The following WRAP73 variants were observed in gnomAD, a reference collection of about 807,000 sequenced individuals.
WRAP73 encodes the protein WD repeat-containing protein WRAP73.
Under a neutral mutation model 59.6 loss-of-function variants are expected in WRAP73, and 55 were observed. That is an observed-to-expected ratio of 0.92 (90% CI 0.74 to 1.15). The LOEUF (loss-of-function observed/expected upper bound fraction) is 1.15, where lower values mean the gene tolerates loss of function less well. Among genes scored for constraint, WRAP73 ranks in the 50% most tolerant of loss-of-function variants. The pLI, the probability that WRAP73 is intolerant of heterozygous loss-of-function variation, is 0.00. For missense variants in WRAP73, 592 were observed against 608.1 expected, an observed-to-expected ratio of 0.97 and a Z score of 0.28; for synonymous variants, 265 against 258.2, an observed-to-expected ratio of 1.03 and a Z score of -0.25.
chr1:3,636,223 C>T, intron 5 of WRAP73, 193 bp from the exon 6 acceptor site: 1 of 587,494 alleles, frequency 1.7e-6, no homozygotes, highest in Non-Finnish European at 3.0e-6. Context: ...CAGATGCCAG[C>T]GTCAGTGCCT....
Position 3,631,522 on chromosome 1 carries a change from C to T in WRAP73, c.1184G>A (p.Ser395Asn), listed in dbSNP as rs747142679. Residue 395 changes from serine to asparagine, a missense_variant, in exon 11 of 12, where the codon AGC (serine) becomes AAC (asparagine). Ser to Asn is a conservative substitution (Grantham distance 46). Transcript: ENST00000270708. ...QPRLAICTGG[S>N]RLYLWSPAGC... The stretch of plus-strand genomic sequence containing the variant: ...CGCTGGGGACCACAGGTAGAGCCTG[C>T]TGCCTCCCGTGCAGATGGCCAGCCG... 9 of 1,610,006 alleles carry T rather than the reference C, an allele frequency of 5.6e-6. No homozygotes were observed. The highest frequency in any genetic ancestry group is 8.5e-7 in the Non-Finnish European group (1 of 1,178,834).
chr1:3,639,750 T>C lies in WRAP73; in HGVS notation c.340-928A>G, dbSNP rs1221639722. ...GGGGACACAGGGCTGCGCAGCTCCA[T>C]GTGGGGTGGGGTGCTGACTGCCAGC... On this transcript the variant is annotated intron_variant, in intron 3 of 11. Coordinates refer to ENST00000270708, the MANE Select transcript of WRAP73 (RefSeq NM_017818.4). The surrounding 1 kb of genome is among the most constrained non-coding windows in gnomAD (Gnocchi z 4.3). 2 of 151,472 alleles carry C rather than the reference T, an allele frequency of 1.3e-5. No homozygotes were observed. Among genetic ancestry groups the C allele is most frequent in the Non-Finnish European group, 2.9e-5 (2 of 67,916 alleles). 9.4% of individuals were successfully genotyped at this position (151,472 alleles called of 1,614,324 possible). A position where few individuals can be genotyped will look rare whatever the true frequency, so the allele number is the denominator to read the frequency against.
At chr1:3,647,278 A>T in intron 2 of WRAP73, 130 bp downstream of exon 2, 2 of 997,020 alleles carry the variant, frequency 2.0e-6, no homozygotes, top group Non-Finnish European at 2.8e-6. Flanking sequence ...AGAACGTTAT[A>T]ATTTCAAAAG....
intron 2 of WRAP73, 175 bp downstream of exon 2, chr1:3,647,233 G>T: frequency 1.5e-6 from 1 of 681,570 alleles, no homozygotes; most frequent in Non-Finnish European, 2.3e-6. Flanking sequence ...AGACTACGTT[G>T]GAGTTTCCTT....
chr1:3,640,710 G>C (rs72857306), intron 3 of WRAP73, among the ~76,000 whole-genome samples: 52 of 124,238 alleles, frequency 4.2e-4, no homozygotes, highest in African/African-American at 2.2e-3. Context: ...GTGCAGCAAC[G>C]GAGCATCTCA....
At chr1:3,635,713 T>C (rs762174250) in intron 6 of WRAP73, 7 of 524,538 alleles carry the variant, frequency 1.3e-5, no homozygotes, top group Non-Finnish European at 2.0e-5. Context: ...CCCAGCTACT[T>C]GGGAGGCTGA....
At chr1:3,647,583 CACCTG>C (rs777462670) in intron 1 of WRAP73, 23 bp from the exon 2 acceptor site, 1 of 1,607,380 alleles carries the variant, frequency 6.2e-7, no homozygotes, top group Non-Finnish European at 8.5e-7. Flanking sequence ...AGAAAGCAAG[CACCTG>C]ACATTCTCCA....
At position 3,636,013 on chromosome 1, in the gene WRAP73, G is replaced by A. The variant is rs772120508; in HGVS notation, c.534C>T (p.Thr178=). The change falls in exon 6 of 12, where the codon ACC becomes ACT. Residue 178 remains threonine, a synonymous_variant. Transcript: ENST00000270708. ...CCCACTCAATCCCTGTGAGATCCTG[G>A]GTGTCCGTATCAAAATGCTTCCAAA... ...WQLLRHFDTD[T]QDLTGIEWAP... 3 of 1,613,846 alleles carry A rather than the reference G, an allele frequency of 1.9e-6. No homozygotes were observed. The highest frequency in any genetic ancestry group is 1.7e-5 in the Admixed American group (1 of 60,010).
Position 3,638,795 on chromosome 1 carries a change from T to G in WRAP73, c.367A>C (p.Thr123Pro). Reference sequence around the variant, plus strand: ...TATTTGATGTAAGACACGGATTTTGTGCACAAGGACCAGACGGTTATCCGC... The same window carrying G: ...TATTTGATGTAAGACACGGATTTTGGGCACAAGGACCAGACGGTTATCCGC... ...HLRITVWSLC[T>P]KSVSYIKYPK... The change falls in exon 4 of 12, where the codon ACA becomes CCA. Residue 123 changes from threonine (T) to proline (P), a missense_variant. Transcript: ENST00000270708. 1 of 1,614,134 alleles carries G rather than the reference T, an allele frequency of 6.2e-7. No homozygotes were observed. The highest frequency in any genetic ancestry group is 8.5e-7 in the Non-Finnish European group (1 of 1,180,002).
chr1:3,645,568 C>A (rs1354949700), intron 3 of WRAP73, among the ~76,000 whole-genome samples: 1 of 152,058 alleles, frequency 6.6e-6, no homozygotes, highest in Non-Finnish European at 1.5e-5. Flanking sequence ...CGAGGTGCAG[C>A]CAGCAGCCCA....
At chr1:3,635,818 C>T (rs1165737236) in intron 6 of WRAP73, 126 bp downstream of exon 6, 5 of 850,200 alleles carry the variant, frequency 5.9e-6, no homozygotes, top group Middle Eastern at 2.3e-4. Context: ...AAGACCCTGT[C>T]TTTTAAAACA....
chr1:3,631,602 C>A lies in WRAP73; in HGVS notation c.1104G>T (p.Ala368=). 1 of 1,606,046 alleles carries A rather than the reference C, an allele frequency of 6.2e-7. No individual in the cohort carries two copies. Among genetic ancestry groups the A allele is most frequent in the Non-Finnish European group, 8.5e-7 (1 of 1,179,750 alleles). ...GCACTGGGGACAGCTGCTCGAGCAC[C>A]GCGAACAGCCTCAGCTTCTGAATGT... ...VWDIQKLRLF[A]VLEQLSPVRA... is the part of the protein sequence containing the mutation. Residue 368 remains alanine (A), a synonymous_variant, in exon 11 of 12, where the codon GCG becomes GCT. Coordinates refer to ENST00000270708, the MANE Select transcript of WRAP73 (RefSeq NM_017818.4).
Position 3,646,905 on chromosome 1 carries a change from G to C in WRAP73, c.223-123C>G. The C allele has an allele frequency of 1.3e-6, 1 of 761,046 alleles. No individual in the cohort carries two copies. The highest frequency in any genetic ancestry group is 2.2e-6 in the Non-Finnish European group (1 of 459,034). 47.1% of individuals were successfully genotyped at this position (761,046 alleles called of 1,614,324 possible). A position where few individuals can be genotyped will look rare whatever the true frequency, so the allele number is the denominator to read the frequency against. On this transcript the variant is annotated intron_variant, in intron 2 of 11. Coordinates refer to ENST00000270708, the MANE Select transcript of WRAP73 (RefSeq NM_017818.4). This position sits in a 1 kb window ranked among gnomAD's most constrained non-coding sequence, Gnocchi z 5.1. Reference sequence around the variant, plus strand: ...CAGGGTGTCTTCAAACTCATCAGCAGTCTATAGCGAGGCCTCGCCGAGAGA... The same window carrying C: ...CAGGGTGTCTTCAAACTCATCAGCACTCTATAGCGAGGCCTCGCCGAGAGA...
chr1:3,631,831 G>T (rs1207878694), intron 10 of WRAP73, 174 bp from the exon 11 acceptor site: 1 of 1,417,108 alleles, frequency 7.1e-7, no homozygotes, highest in Non-Finnish European at 9.2e-7. Context: ...CCTGGCCAGG[G>T]CCAGGGTGGC....
chr1:3,631,777 C>G, intron 10 of WRAP73, 120 bp from the exon 11 acceptor site: 3 of 1,455,124 alleles, frequency 2.1e-6, no homozygotes, highest in Non-Finnish European at 2.7e-6. Context: ...TGGGGTGGGG[C>G]GGCTGCACCC....
In WRAP73 at chr1:3,650,086, C is replaced by T. The variant is rs552351013; in HGVS notation, c.-87G>A. 2.9e-6 allele frequency: 4 copies of T among 1,369,068 alleles called. No individual in the cohort carries two copies. In the East Asian group the frequency reaches 8.4e-5, roughly 29 times the overall value. 84.8% of individuals were successfully genotyped at this position (1,369,068 alleles called of 1,614,324 possible). A position where few individuals can be genotyped will look rare whatever the true frequency, so the allele number is the denominator to read the frequency against. ...AGCAGGCTGCAACAGCCGACGCCGG[C>T]CTCCGAGGCCGGAAGTCAGAAGGCG... is the stretch of plus-strand genomic sequence containing the variant. On this transcript the variant is annotated 5_prime_UTR_variant, in exon 1 of 12. Transcript: ENST00000270708.
Position 3,635,226 on chromosome 1 carries a change from C to T in WRAP73, c.672G>A (p.Leu224=). The change falls in exon 7 of 12, where the codon CTG becomes CTA. Residue 224 remains leucine (L), a synonymous_variant. Coordinates refer to ENST00000270708, the MANE Select transcript of WRAP73 (RefSeq NM_017818.4). ...GGCTCCAGGCCACAGACTTGATGCC[C>T]AGGGACCACTCGTAAGCGCTGTACG... ...LSTYSAYEWS[L]GIKSVAWSPS... 2 of 1,614,060 alleles carry T rather than the reference C, an allele frequency of 1.2e-6. No homozygotes were observed. The highest frequency in any genetic ancestry group is 1.7e-6 in the Non-Finnish European group (2 of 1,180,046).
In WRAP73 at chr1:3,635,283, CA is replaced by C. The variant is rs1425075260; in HGVS notation, c.614del (p.Leu205ArgfsTer49). ...VWDTCLEYKI[L>X]LYSLDGRLLS... is the part of the protein sequence containing the mutation. Reference sequence around the variant, plus strand: ...ACAACCGGCCATCCAATGAGTACAGCAGAATCTTGTACTGCAGATGAGACAT... The same window carrying C: ...ACAACCGGCCATCCAATGAGTACAGCGAATCTTGTACTGCAGATGAGACAT... On this transcript the variant is annotated frameshift_variant, in exon 7 of 12. Transcript: ENST00000270708. LOFTEE classifies it high-confidence loss of function. The C allele has an allele frequency of 2.1e-5, 34 of 1,613,776 alleles. No homozygotes were observed. The highest frequency in any genetic ancestry group is 2.3e-5 in the Non-Finnish European group (27 of 1,180,034).
At chr1:3,637,972 C>T (rs1311186772) in intron 4 of WRAP73, among the ~76,000 whole-genome samples, 2 of 152,214 alleles carry the variant, frequency 1.3e-5, no homozygotes, top group East Asian at 1.9e-4. Context: ...CCTCAAATGA[C>T]GAAACCACGG....
Sources: allele counts gnomAD v4.1 joint callset (sites outside exome capture counted in the v4.1 genomes callset), GRCh38; gene constraint gnomAD v4.1.1; non-coding constraint Gnocchi (gnomAD v3.1); transcripts MANE v1.5; gene names NCBI Gene and HGNC (gene_info 2026-07-23, HGNC 2026-07-21).